Variants in JAKMIP1 observed in about 807,000 individuals in gnomAD.
JAKMIP1 encodes the protein janus kinase and microtubule interacting protein 1.
Under a neutral mutation model 113.0 loss-of-function variants are expected in JAKMIP1, and 33 were observed. The observed-to-expected ratio is 0.29, with a 90% CI of 0.22 to 0.39. The LOEUF is 0.39. JAKMIP1 is among the 10% of genes least tolerant of loss of function. The pLI, the probability that JAKMIP1 is intolerant of heterozygous loss-of-function variation, is 1.00. For missense variants in JAKMIP1, 813 were observed against 1,080.5 expected, an observed-to-expected ratio of 0.75 and a Z score of 3.47; for synonymous variants, 480 against 459.9, an observed-to-expected ratio of 1.04 and a Z score of -0.56.
At position 6,112,816 on chromosome 4, in the gene JAKMIP1, G is replaced by A; in HGVS notation, c.35C>T (p.Pro12Leu). 1 of 1,614,042 alleles carries A rather than the reference G, an allele frequency of 6.2e-7. No homozygotes were observed. Among genetic ancestry groups the A allele is most frequent in the Non-Finnish European group, 8.5e-7 (1 of 1,180,036 alleles). Residue 12 changes from proline to leucine, a missense_variant, in exon 2 of 21, where the codon CCC becomes CTC. Physicochemically the swap from Pro to Leu is moderately conservative, Grantham distance 98. Transcript: ENST00000409021. ...SKKGRSKGEK[P>L]EMETDAVQMA... Reference sequence around the variant, plus strand: ...CTGCACCGCGTCCGTCTCCATCTCGGGCTTCTCGCCCTTGCTCCGGCCTTT... The same window carrying A: ...CTGCACCGCGTCCGTCTCCATCTCGAGCTTCTCGCCCTTGCTCCGGCCTTT...
Position 6,137,495 on chromosome 4 carries a change from G to A in JAKMIP1, c.-147-24498C>T, listed in dbSNP as rs1719415932. ...GGGTGACAGCAGACGTGCTAAGTAG[G>A]AACCCCCTTCAAGTCCTTTGCTCAG... On this transcript the variant is annotated intron_variant, in intron 1 of 20. Transcript: ENST00000409021. The surrounding 1 kb of genome is among the most constrained non-coding windows in gnomAD (Gnocchi z 4.5). Among the ~76,000 whole-genome samples, 1 of 152,202 alleles carries A rather than the reference G, an allele frequency of 6.6e-6. No homozygotes were observed. The highest frequency in any genetic ancestry group is 6.5e-5 in the Admixed American group (1 of 15,284).
In JAKMIP1 at chr4:6,139,073, CACACACACACATAT is replaced by C. The variant is rs779961091; in HGVS notation, c.-147-26090_-147-26077del. ...CATTAGAAACACACACACACACACACACACACACACATATACACACACACACACACACCAGCAGG... is the reference window on the plus strand; with the variant it reads ...CATTAGAAACACACACACACACACACACACACACACACACACACCAGCAGG... On this transcript the variant is annotated intron_variant, in intron 1 of 20. Transcript: ENST00000409021. The surrounding 1 kb of genome is among the most constrained non-coding windows in gnomAD (Gnocchi z 5.2). Among the ~76,000 whole-genome samples the C allele has an allele frequency of 5.3e-3, 777 of 147,730 alleles. 8 individuals carry two copies. The highest frequency in any genetic ancestry group is 0.02 in the African/African-American group (744 of 37,842).
chr4:6,036,167 A>G (rs1713406481), intron 18 of JAKMIP1, 60 bp from the exon 19 acceptor site: 1 of 1,331,098 alleles, frequency 7.5e-7, no homozygotes, highest in Admixed American at 2.2e-5. Context: ...AGGAACCACC[A>G]GAAGGCTGCT....
intron 18 of JAKMIP1, among the ~76,000 whole-genome samples, chr4:6,037,727 C>T (rs892768696): frequency 3.5e-5 from 5 of 142,216 alleles, no homozygotes; most frequent in Non-Finnish European, 6.1e-5. Context: ...CAGTAGCCCT[C>T]CATCACCGAG....
At chr4:6,100,512 C>T (rs1191134624) in intron 3 of JAKMIP1, among the ~76,000 whole-genome samples, 1 of 152,186 alleles carries the variant, frequency 6.6e-6, no homozygotes, top group Admixed American at 6.5e-5. Flanking sequence ...TTCTCCCATT[C>T]GTTGACTATT....
rs1373301157 is a variant in JAKMIP1, at chr4:6,154,497, CT to C, written c.-147-41501del. On this transcript the variant is annotated intron_variant, in intron 1 of 20. Coordinates refer to ENST00000409021, the MANE Select transcript of JAKMIP1 (RefSeq NM_001099433.2). This position sits in a 1 kb window ranked among gnomAD's most constrained non-coding sequence, Gnocchi z 4.2. ...AGGAATTTGTCAGATGTCTATAGTC[CT>C]TTAAAAAAAAAAAAAAGCAGGGGGG... Among the ~76,000 whole-genome samples the C allele has an allele frequency of 1.4e-5, 2 of 145,772 alleles. No homozygotes were observed. The highest frequency in any genetic ancestry group is 2.0e-4 in the East Asian group (1 of 5,056).
rs1030627793 is a variant in JAKMIP1, at chr4:6,112,927, C to G, written c.-77G>C. ...CACGCCAGCCAGCAGGCGTGGCTAC[C>G]AGCTCCACCGTGCTAACCAGTCGCG... On this transcript the variant is annotated 5_prime_UTR_variant, in exon 2 of 21. Transcript: ENST00000409021. The G allele has an allele frequency of 3.8e-6, 6 of 1,561,044 alleles. No individual in the cohort carries two copies. The African/African-American group carries it at 8.1e-5, about 21-fold the overall frequency.
rs1030390067 is a variant in JAKMIP1, at chr4:6,178,022, T to C, written c.-148+22231A>G. Among the ~76,000 whole-genome samples, 1 of 152,314 alleles carries C rather than the reference T, an allele frequency of 6.6e-6. No homozygotes were observed. The highest frequency in any genetic ancestry group is 2.1e-4 in the South Asian group (1 of 4,826). The stretch of plus-strand genomic sequence containing the variant: ...GGCTGCAGGCTTTTAAAGTCAAACA[T>C]GACTCCTCCCTTTCCACTTCCTGTC... On this transcript the variant is annotated intron_variant, in intron 1 of 20. Coordinates refer to ENST00000409021, the MANE Select transcript of JAKMIP1 (RefSeq NM_001099433.2). This position sits in a 1 kb window ranked among gnomAD's most constrained non-coding sequence, Gnocchi z 5.5.
chr4:6,132,652 A>AT (rs1031580644), intron 1 of JAKMIP1, among the ~76,000 whole-genome samples: 4 of 131,100 alleles, frequency 3.1e-5, no homozygotes, highest in African/African-American at 9.8e-5. Flanking sequence ...AAAAATAAAA[A>AT]AAAAAAAAAA....
intron 2 of JAKMIP1, among the ~76,000 whole-genome samples, chr4:6,110,051 C>T (rs1244911943): frequency 2.0e-5 from 3 of 152,146 alleles, no homozygotes; most frequent in South Asian, 2.1e-4. Context: ...CTGGGGTCCG[C>T]ATGGGCCTGG....
intron 12 of JAKMIP1, 79 bp downstream of exon 12, chr4:6,056,617 AC>A (rs1162673857): frequency 4.1e-5 from 45 of 1,087,814 alleles, no homozygotes; most frequent in Non-Finnish European, 5.9e-5. Flanking sequence ...GGCGCTGGGC[AC>A]GACCCGTGTA....
chr4:6,035,162 C>G (rs932538047), intron 19 of JAKMIP1, among the ~76,000 whole-genome samples: 1 of 152,044 alleles, frequency 6.6e-6, no homozygotes, highest in Non-Finnish European at 1.5e-5. Context: ...CCCGCATCCC[C>G]CTTCTTTTTT....
intron 3 of JAKMIP1, among the ~76,000 whole-genome samples, chr4:6,099,221 A>G (rs1398830799): frequency 1.3e-5 from 2 of 152,196 alleles, no homozygotes; most frequent in African/African-American, 4.8e-5. Flanking sequence ...GTAACTACTG[A>G]TATGACTCCT....
In JAKMIP1 at chr4:6,069,590, A is replaced by C. The variant is rs1216246918; in HGVS notation, c.1303-4582T>G. Among the ~76,000 whole-genome samples the C allele has an allele frequency of 6.6e-6, 1 of 152,064 alleles. No homozygotes were observed. The highest frequency in any genetic ancestry group is 1.5e-5 in the Non-Finnish European group (1 of 68,014). ...ATAGTGAGAATCCATCTCTACAAAA[A>C]GTTATTTAAAAAGTTAGCCGAGTAT... On this transcript the variant is annotated intron_variant, in intron 8 of 20. Transcript: ENST00000409021. This position sits in a 1 kb window ranked among gnomAD's most constrained non-coding sequence, Gnocchi z 4.5.
intron 16 of JAKMIP1, among the ~76,000 whole-genome samples, chr4:6,043,662 G>A (rs561637978): frequency 1.3e-5 from 2 of 150,106 alleles, no homozygotes; most frequent in South Asian, 2.1e-4. Context: ...AAACCCACCC[G>A]CAGCACTCCC....
At chr4:6,075,961 G>C (rs2108811741) in intron 8 of JAKMIP1, among the ~76,000 whole-genome samples, 1 of 152,308 alleles carries the variant, frequency 6.6e-6, no homozygotes, top group South Asian at 2.1e-4. Context: ...TGGATCACTT[G>C]AGGTCTGGAG....
In JAKMIP1 at chr4:6,028,432, G is replaced by C. The variant is rs552595883; in HGVS notation, c.2445+1284C>G. ...CTACACCTCCAGCAGAGATGGGAAG[G>C]TGATTTCATCTGCATGGAGCCGACT... On this transcript the variant is annotated intron_variant, in intron 20 of 20. Transcript: ENST00000409021. 4.6e-5 allele frequency among the ~76,000 whole-genome samples: 7 copies of C among 152,350 alleles called. No individual in the cohort carries two copies. The South Asian group carries it at 1.0e-3, about 23-fold the overall frequency.
Position 6,061,948 on chromosome 4 carries a change from C to T in JAKMIP1, c.1560+364G>A, listed in dbSNP as rs998981340. On this transcript the variant is annotated intron_variant, in intron 10 of 20. Coordinates refer to ENST00000409021, the MANE Select transcript of JAKMIP1 (RefSeq NM_001099433.2). This position sits in a 1 kb window ranked among gnomAD's most constrained non-coding sequence, Gnocchi z 5.3. The stretch of plus-strand genomic sequence containing the variant: ...TCCCTGCAAGTGTTCTGGTGGATGT[C>T]CTGGAGGGCGGGGGGCTGGCAGCCC... Among the ~76,000 whole-genome samples, 1 of 152,156 alleles carries T rather than the reference C, an allele frequency of 6.6e-6. No individual in the cohort carries two copies. Among genetic ancestry groups the T allele is most frequent in the Non-Finnish European group, 1.5e-5 (1 of 68,028 alleles).
In JAKMIP1 at chr4:6,197,413, C is replaced by T. The variant is rs945849737; in HGVS notation, c.-148+2840G>A. Among the ~76,000 whole-genome samples the T allele has an allele frequency of 6.6e-6, 1 of 152,180 alleles. No homozygotes were observed. The highest frequency in any genetic ancestry group is 1.5e-5 in the Non-Finnish European group (1 of 68,036). Reference sequence around the variant, plus strand: ...TCTCATAGCTTCTTCACCATCATCACCCCTCATAAATCGGCTACCTTTGCT... The same window carrying T: ...TCTCATAGCTTCTTCACCATCATCATCCCTCATAAATCGGCTACCTTTGCT... On this transcript the variant is annotated intron_variant, in intron 1 of 20. Coordinates refer to ENST00000409021, the MANE Select transcript of JAKMIP1 (RefSeq NM_001099433.2). The surrounding 1 kb of genome is among the most constrained non-coding windows in gnomAD (Gnocchi z 6.5).
Sources: gnomAD v4.1 joint callset for allele counts (sites outside exome capture counted in the v4.1 genomes callset) on GRCh38, gnomAD v4.1.1 for gene constraint, Gnocchi (gnomAD v3.1) non-coding constraint, MANE v1.5 for transcripts, NCBI Gene and HGNC (gene_info 2026-07-23, HGNC 2026-07-21) for gene names.